The following KCTD1 variants were observed in gnomAD, a reference collection of about 807,000 sequenced individuals.
KCTD1 encodes potassium channel tetramerization domain containing 1, also known as BTB/POZ domain-containing protein KCTD1.
Under a neutral mutation model 66.0 loss-of-function variants are expected in KCTD1, and 24 were observed. The ratio of observed to expected loss-of-function variants is 0.36; its 90% CI spans 0.26 to 0.51. KCTD1 has a LOEUF of 0.51. Among genes scored for constraint, KCTD1 ranks in the 20% least tolerant of loss-of-function variants. The pLI is 0.95. For synonymous variants in KCTD1, 511 were observed against 517.2 expected (o/e 0.99, Z 0.16); for missense variants, 943 against 1,205.2 (o/e 0.78, Z 3.22).
At chr18:26,571,914 T>G (rs144714251) in intron 1 of KCTD1, among the ~76,000 whole-genome samples, 63 of 152,314 alleles carry the variant, frequency 4.1e-4, no homozygotes, top group Middle Eastern at 3.4e-3. Flanking sequence ...GGTGTAGAAG[T>G]CAAGAAGAAC....
intron 3 of KCTD1, among the ~76,000 whole-genome samples, chr18:26,473,418 G>T (rs1004830972): frequency 6.6e-6 from 1 of 152,038 alleles, no homozygotes; most frequent in African/African-American, 2.4e-5. Context: ...GCAGGGATAG[G>T]GGGAGGGAGA....
chr18:26,552,504 A>AG (rs1430109622), upstream of KCTD1, among the ~76,000 whole-genome samples: 1 of 152,260 alleles, frequency 6.6e-6, no homozygotes, highest in Non-Finnish European at 1.5e-5. Context: ...AAAATTAAAA[A>AG]TAACATGAAT....
At chr18:26,462,659 G>GTCTT (rs1980497800) in intron 3 of KCTD1, among the ~76,000 whole-genome samples, 1 of 152,168 alleles carries the variant, frequency 6.6e-6, no homozygotes, top group African/African-American at 2.4e-5. Context: ...CTTTGTGTCT[G>GTCTT]TCTTTCTATC....
intron 1 of KCTD1, among the ~76,000 whole-genome samples, chr18:26,622,544 T>C (rs1015085519): frequency 2.6e-5 from 4 of 152,070 alleles, no homozygotes; most frequent in Non-Finnish European, 5.9e-5. Flanking sequence ...AGCTAAACTC[T>C]AGTGAGGGAG....
chr18:26,498,177 A>G (rs1025417282), intron 2 of KCTD1, among the ~76,000 whole-genome samples: 7 of 152,122 alleles, frequency 4.6e-5, no homozygotes, highest in African/African-American at 1.7e-4. Flanking sequence ...ACTGTTCGCC[A>G]TTTGCCAGCA....
chr18:26,620,348 T>TAAA (rs10594272), intron 1 of KCTD1, among the ~76,000 whole-genome samples: 2 of 87,214 alleles, frequency 2.3e-5, no homozygotes, highest in African/African-American at 1.1e-4. Flanking sequence ...AGGTAAATCT[T>TAAA]AAAAAAAAAA....
intron 2 of KCTD1, among the ~76,000 whole-genome samples, chr18:26,478,803 A>C (rs1467047894): frequency 2.0e-5 from 3 of 152,152 alleles, no homozygotes; most frequent in African/African-American, 7.2e-5. Context: ...AAATAACTTT[A>C]ACTTTTTCTC....
At chr18:26,461,220 G>A (rs549620893) in intron 3 of KCTD1, among the ~76,000 whole-genome samples, 1 of 152,336 alleles carries the variant, frequency 6.6e-6, no homozygotes, top group Non-Finnish European at 1.5e-5. Flanking sequence ...ATTATTCAAC[G>A]CTTCCAGAGA....
chr18:26,559,490 C>T (rs1237060708), intron 1 of KCTD1, among the ~76,000 whole-genome samples: 2 of 152,174 alleles, frequency 1.3e-5, no homozygotes, highest in African/African-American at 2.4e-5. Flanking sequence ...CATGTGCACA[C>T]GCTCAGGTGA....
At chr18:26,580,555 T>G (rs1008934303) in intron 1 of KCTD1, among the ~76,000 whole-genome samples, 16 of 152,192 alleles carry the variant, frequency 1.1e-4, no homozygotes, top group African/African-American at 3.6e-4. Flanking sequence ...ACTATTGTTA[T>G]CACCTCTGTC....
upstream of KCTD1, among the ~76,000 whole-genome samples, chr18:26,642,737 G>A (rs555314645): frequency 2.0e-5 from 3 of 152,314 alleles, no homozygotes; most frequent in East Asian, 3.9e-4. Flanking sequence ...CAGAGGTTGC[G>A]ATCCCAAGAG....
At chr18:26,616,458 C>T (rs990398805) in intron 1 of KCTD1, among the ~76,000 whole-genome samples, 1 of 71,770 alleles carries the variant, frequency 1.4e-5, no homozygotes, top group African/African-American at 4.9e-5. Context: ...TAATCCCTTA[C>T]ATACATATAT....
At chr18:26,633,534 AC>A (rs962337044), upstream of KCTD1, among the ~76,000 whole-genome samples, 49 of 152,164 alleles carry the variant, frequency 3.2e-4, no homozygotes, top group African/African-American at 1.2e-3. Flanking sequence ...TAAAATAATT[AC>A]CCCCCCAAAT....
chr18:26,479,867 GTA>G (rs1353200538), intron 2 of KCTD1, among the ~76,000 whole-genome samples: 2 of 152,194 alleles, frequency 1.3e-5, no homozygotes, highest in Non-Finnish European at 2.9e-5. Flanking sequence ...GGCACAGGCT[GTA>G]TTTCTTGTGG....
upstream of KCTD1, among the ~76,000 whole-genome samples, chr18:26,551,342 A>C (rs953566459): frequency 6.6e-6 from 1 of 152,184 alleles, no homozygotes; most frequent in African/African-American, 2.4e-5. Context: ...AAGCGCAAAT[A>C]ACTTTTTAAC....
intron 2 of KCTD1, among the ~76,000 whole-genome samples, chr18:26,478,621 A>G (rs975340896): frequency 6.6e-6 from 1 of 152,216 alleles, no homozygotes. Flanking sequence ...ACTTGGATGT[A>G]CGCTTGCACA....
chr18:26,576,693 A>C (rs1193005798), intron 1 of KCTD1, among the ~76,000 whole-genome samples: 1 of 152,176 alleles, frequency 6.6e-6, no homozygotes, highest in African/African-American at 2.4e-5. Flanking sequence ...TATACCAACA[A>C]AAATATTTTT....
chr18:26,531,768 C>T (rs1379496285), intron 1 of KCTD1, among the ~76,000 whole-genome samples: 1 of 152,162 alleles, frequency 6.6e-6, no homozygotes, highest in Non-Finnish European at 1.5e-5. Flanking sequence ...GTGAGGTCAC[C>T]TCATTGACAC....
intron 2 of KCTD1, among the ~76,000 whole-genome samples, chr18:26,479,710 AAGG>A (rs1981535224): frequency 6.6e-6 from 1 of 152,226 alleles, no homozygotes; most frequent in Non-Finnish European, 1.5e-5. Context: ...CCAACTTTAA[AAGG>A]AGGAACGTTG....
Sources: gnomAD v4.1 joint callset for allele counts (sites outside exome capture counted in the v4.1 genomes callset) on GRCh38, gnomAD v4.1.1 for gene constraint, MANE v1.5 for transcripts, NCBI Gene and HGNC (gene_info 2026-07-23, HGNC 2026-07-21) for gene names.